The following CENPT variants were observed in gnomAD, a reference collection of about 807,000 sequenced individuals.
CENPT encodes centromere protein T.
In CENPT, 42 loss-of-function variants were observed where a neutral mutation model predicts 59.7. The ratio of observed to expected loss-of-function variants is 0.70; its 90% CI spans 0.55 to 0.91. The LOEUF (loss-of-function observed/expected upper bound fraction) is 0.91, where lower values mean the gene tolerates loss of function less well. Ranked by LOEUF, CENPT falls within the 40% of genes least tolerant of loss-of-function variation. CENPT has a pLI of 0.00. For synonymous variants in CENPT, 295 were observed against 289.6 expected, an observed-to-expected ratio of 1.02 and a Z score of -0.19; for missense variants, 716 against 713.4, an observed-to-expected ratio of 1.00 and a Z score of -0.04.
At chr16:67,845,770 G>A (rs568689998) in intron 1 of CENPT, among the ~76,000 whole-genome samples, 2 of 152,326 alleles carry the variant, frequency 1.3e-5, no homozygotes, top group South Asian at 4.1e-4. Context: ...TGTATAAGCG[G>A]GGCAATGCAG....
chr16:67,840,045 G>A (rs1283467195), intron 1 of CENPT, among the ~76,000 whole-genome samples: 1 of 152,140 alleles, frequency 6.6e-6, no homozygotes, highest in African/African-American at 2.4e-5. Context: ...GGCCGGGCGC[G>A]GTGGCTCACG....
intron 11 of CENPT, 35 bp from the exon 12 acceptor site, chr16:67,830,123 C>T (rs1315520714): frequency 5.6e-6 from 9 of 1,597,816 alleles, no homozygotes; most frequent in Non-Finnish European, 7.7e-6. Context: ...GCCGGAGACG[C>T]AGCAGGCCAA....
At chr16:67,829,738 A>G in intron 12 of CENPT, 27 bp downstream of exon 12, 1 of 1,604,648 alleles carries the variant, frequency 6.2e-7, no homozygotes, top group South Asian at 1.1e-5. Flanking sequence ...AGCTGTCACC[A>G]GTCACTCCCT....
chr16:67,829,084 A>G lies in CENPT; in HGVS notation c.1281-241T>C, dbSNP rs954882172. ...ATCCTGGTTCAGACTTATTATCTAT[A>G]TTGGTACCTGCTTGGGTCCATGACT... On this transcript the variant is annotated intron_variant, in intron 13 of 15. Coordinates refer to ENST00000562787, the MANE Select transcript of CENPT (RefSeq NM_025082.4). 9.4e-6 allele frequency: 5 copies of G among 534,024 alleles called. No individual in the cohort carries two copies. In the Admixed American group the frequency reaches 1.9e-4, roughly 20 times the overall value. 33.1% of individuals were successfully genotyped at this position (534,024 alleles called of 1,614,324 possible).
At chr16:67,841,010 C>CATACATAT (rs1256263734) in intron 1 of CENPT, among the ~76,000 whole-genome samples, 34 of 109,378 alleles carry the variant, frequency 3.1e-4, no homozygotes, top group South Asian at 6.7e-4. Context: ...ATACAAAATA[C>CATACATAT]ATATATATAT....
chr16:67,843,662 C>T lies in CENPT; in HGVS notation c.-492+3739G>A. The T allele has an allele frequency of 4.3e-6, 3 of 693,074 alleles. No homozygotes were observed. The highest frequency in any genetic ancestry group is 7.2e-6 in the Non-Finnish European group (3 of 417,596). 42.9% of individuals were successfully genotyped at this position (693,074 alleles called of 1,614,324 possible). On this transcript the variant is annotated intron_variant, in intron 1 of 15. Coordinates refer to ENST00000562787, the MANE Select transcript of CENPT (RefSeq NM_025082.4). The surrounding 1 kb of genome is among the most constrained non-coding windows in gnomAD (Gnocchi z 5.7). ...ACCTGGCATCCTCAATTGTTTCCTC[C>T]TGAAGTGGAAGCTGGGGCCTTAGAC...
In CENPT at chr16:67,842,581, A is replaced by G. The variant is rs1194447777; in HGVS notation, c.-492+4820T>C. 6.5e-7 allele frequency: 1 copy of G among 1,543,616 alleles called. No homozygotes were observed. The highest frequency in any genetic ancestry group is 8.8e-7 in the Non-Finnish European group (1 of 1,142,384). On this transcript the variant is annotated intron_variant, in intron 1 of 15. Coordinates refer to ENST00000562787, the MANE Select transcript of CENPT (RefSeq NM_025082.4). The surrounding 1 kb of genome is among the most constrained non-coding windows in gnomAD (Gnocchi z 4.9). ...TGCCTGGCTTTACGTGCTGCGTGCC[A>G]GGCTGCTACAACAACTCGCACCGGG...
chr16:67,842,684 G>T lies in CENPT; in HGVS notation c.-492+4717C>A. ...CTGGCTCAAGAACGTGTCGCGTGCC[G>T]GCGTCAGTGGGTGCTTCTCCACCTT... is the stretch of plus-strand genomic sequence containing the variant. On this transcript the variant is annotated intron_variant, in intron 1 of 15. Transcript: ENST00000562787. This position sits in a 1 kb window ranked among gnomAD's most constrained non-coding sequence, Gnocchi z 4.9. 1 of 1,584,832 alleles carries T rather than the reference G, an allele frequency of 6.3e-7. No homozygotes were observed.
chr16:67,829,207 AC>A (rs34507788), intron 13 of CENPT: 4 of 527,762 alleles, frequency 7.6e-6, no homozygotes, highest in African/African-American at 2.0e-5. Flanking sequence ...CTACAAACCA[AC>A]CACATACTTT....
chr16:67,830,054 C>G lies in CENPT; in HGVS notation c.897G>C (p.Glu299Asp). 6.2e-7 allele frequency: 1 copy of G among 1,614,222 alleles called. No homozygotes were observed. Among genetic ancestry groups the G allele is most frequent in the Non-Finnish European group, 8.5e-7 (1 of 1,180,044 alleles). ...PGKPAQFLAG[E>D]AEEVNAFALG... is the part of the protein sequence containing the mutation. ...GAGCAAAGGCATTGACCTCCTCTGCCTCTCCTGCCAGAAACTGGGCTGGTT... is the reference window on the plus strand; with the variant it reads ...GAGCAAAGGCATTGACCTCCTCTGCGTCTCCTGCCAGAAACTGGGCTGGTT... The change falls in exon 12 of 16, where the codon GAG (glutamate) becomes GAC (aspartate). Residue 299 changes from glutamate to aspartate, a missense_variant. Glu to Asp is a conservative substitution (Grantham distance 45). Transcript: ENST00000562787.
In CENPT at chr16:67,842,881, G is replaced by GCAGCAGCAGCAACAGCAGCAA. The variant is rs765737505; in HGVS notation, c.-492+4499_-492+4519dup. 7 of 1,603,902 alleles carry GCAGCAGCAGCAACAGCAGCAA rather than the reference G, an allele frequency of 4.4e-6. No individual in the cohort carries two copies. In the African/African-American group the frequency reaches 5.4e-5, roughly 12 times the overall value. On this transcript the variant is annotated intron_variant, in intron 1 of 15. Coordinates refer to ENST00000562787, the MANE Select transcript of CENPT (RefSeq NM_025082.4). This position sits in a 1 kb window ranked among gnomAD's most constrained non-coding sequence, Gnocchi z 4.9. ...GCCGCAGGCAGCAGCAGCAACAGCA[G>GCAGCAGCAGCAACAGCAGCAA]CAGCAGCAGCAACAGCAGCAACAGC...
intron 10 of CENPT, 175 bp downstream of exon 10, chr16:67,831,039 AAG>A: frequency 2.5e-6 from 2 of 794,158 alleles, no homozygotes; most frequent in Non-Finnish European, 4.1e-6. Flanking sequence ...CCGAGGGACC[AAG>A]GAAAGAGGCC....
At chr16:67,835,893 A>T (rs2057732387) in intron 1 of CENPT, among the ~76,000 whole-genome samples, 1 of 149,026 alleles carries the variant, frequency 6.7e-6, no homozygotes, top group Non-Finnish European at 1.5e-5. Flanking sequence ...AGCAGCTGGG[A>T]TTACAGGCTG....
intron 1 of CENPT, among the ~76,000 whole-genome samples, chr16:67,837,355 G>C (rs1040257917): frequency 6.6e-6 from 1 of 151,818 alleles, no homozygotes; most frequent in African/African-American, 2.4e-5. Flanking sequence ...TGTATTTTAC[G>C]TACAGGCGGG....
In CENPT at chr16:67,843,019, C is replaced by T. The variant is rs1331355918; in HGVS notation, c.-492+4382G>A. 2 of 1,612,476 alleles carry T rather than the reference C, an allele frequency of 1.2e-6. No individual in the cohort carries two copies. The highest frequency in any genetic ancestry group is 1.3e-5 in the African/African-American group (1 of 74,924). ...CGAACCTGGTATCTGCTTCCGCGGC[C>T]GTGCTTCTCACCCTTCAGGCCACTG... is the stretch of plus-strand genomic sequence containing the variant. On this transcript the variant is annotated intron_variant, in intron 1 of 15. Transcript: ENST00000562787. This position sits in a 1 kb window ranked among gnomAD's most constrained non-coding sequence, Gnocchi z 5.7.
In CENPT at chr16:67,835,597, G is replaced by C. The variant is rs1426864593; in HGVS notation, c.-430C>G. 1 of 152,122 alleles carries C rather than the reference G, an allele frequency of 6.6e-6. No individual in the cohort carries two copies. Among genetic ancestry groups the C allele is most frequent in the African/African-American group, 2.4e-5 (1 of 41,424 alleles). The allele number at this position is 152,122 out of a possible 1,614,324, so 9.4% of individuals were successfully genotyped here. On this transcript the variant is annotated 5_prime_UTR_variant, in exon 2 of 16. Coordinates refer to ENST00000562787, the MANE Select transcript of CENPT (RefSeq NM_025082.4). The stretch of plus-strand genomic sequence containing the variant: ...AGAATTGCTTGAACCCTGGGAGGCA[G>C]AGGTTGCAGAGCTGAGATCGAGCCA...
chr16:67,842,963 G>A lies in CENPT; in HGVS notation c.-492+4438C>T, dbSNP rs779938921. The A allele has an allele frequency of 8.1e-6, 13 of 1,606,302 alleles. No individual in the cohort carries two copies. The South Asian group carries it at 1.3e-4, about 16-fold the overall frequency. ...GCAGCAGCAGCAGTCCTCACCCTCT[G>A]CCTCCACTGCCCAGACTGCCCAGCT... is the stretch of plus-strand genomic sequence containing the variant. On this transcript the variant is annotated intron_variant, in intron 1 of 15. Coordinates refer to ENST00000562787, the MANE Select transcript of CENPT (RefSeq NM_025082.4). This position sits in a 1 kb window ranked among gnomAD's most constrained non-coding sequence, Gnocchi z 4.9.
chr16:67,846,075 C>A (rs974346733), intron 1 of CENPT, among the ~76,000 whole-genome samples: 2 of 152,148 alleles, frequency 1.3e-5, no homozygotes, highest in African/African-American at 4.8e-5. Flanking sequence ...TAGAGACTGG[C>A]CTTACCACAA....
intron 1 of CENPT, among the ~76,000 whole-genome samples, chr16:67,838,804 G>A (rs2057745929): frequency 6.6e-6 from 1 of 151,844 alleles, no homozygotes; most frequent in Admixed American, 6.6e-5. Context: ...GTGTGGGCCT[G>A]TAATTCCACC....
Sources: allele counts gnomAD v4.1 joint callset (sites outside exome capture counted in the v4.1 genomes callset), GRCh38; gene constraint gnomAD v4.1.1; non-coding constraint Gnocchi (gnomAD v3.1); transcripts MANE v1.5; gene names NCBI Gene and HGNC (gene_info 2026-07-23, HGNC 2026-07-21).